Variants in SUCLG2 observed in about 807,000 individuals in gnomAD.
SUCLG2 encodes succinate--CoA ligase [GDP-forming] subunit beta, mitochondrial.
In SUCLG2, 42 loss-of-function variants were observed where a neutral mutation model predicts 47.9. The observed-to-expected ratio is 0.88, with a 90% CI of 0.69 to 1.14. The LOEUF (loss-of-function observed/expected upper bound fraction) is 1.14. SUCLG2 is among the 50% of genes most tolerant of loss of function. SUCLG2 has a pLI of 0.00. For missense variants in SUCLG2, 571 were observed against 525.9 expected (o/e 1.09, Z -0.84); for synonymous variants, 195 against 197.3 (o/e 0.99, Z 0.10).
intron 1 of SUCLG2, among the ~76,000 whole-genome samples, chr3:67,637,163 G>A (rs1415916450): frequency 6.6e-6 from 1 of 152,096 alleles, no homozygotes; most frequent in African/African-American, 2.4e-5. Flanking sequence ...AGATTACTGA[G>A]TTTCTTCAAT....
At chr3:67,364,694 T>C (rs1258135760) in intron 10 of SUCLG2, among the ~76,000 whole-genome samples, 1 of 152,212 alleles carries the variant, frequency 6.6e-6, no homozygotes, top group Non-Finnish European at 1.5e-5. Context: ...TAGAGGAAGC[T>C]GGCTCGAACA....
chr3:67,475,852 C>T (rs1267091940), intron 9 of SUCLG2, among the ~76,000 whole-genome samples: 2 of 152,008 alleles, frequency 1.3e-5, no homozygotes, highest in Admixed American at 6.6e-5. Flanking sequence ...CCATGCCCAA[C>T]AAAAATGTTT....
At chr3:67,372,674 A>T (rs1701970484), downstream of SUCLG2, among the ~76,000 whole-genome samples, 1 of 152,172 alleles carries the variant, frequency 6.6e-6, no homozygotes. Flanking sequence ...CCTTTTGTAG[A>T]CTTTTTGTAG....
At chr3:67,453,522 C>A (rs1575706422) in intron 9 of SUCLG2, among the ~76,000 whole-genome samples, 1 of 152,258 alleles carries the variant, frequency 6.6e-6, no homozygotes, top group South Asian at 2.1e-4. Flanking sequence ...TAATCAACTG[C>A]TAAAGGCCCC....
At chr3:67,587,142 A>C (rs59116776) in intron 2 of SUCLG2, among the ~76,000 whole-genome samples, 69,499 of 152,114 alleles carry the variant, frequency 0.46, 16,996 homozygotes, top group Admixed American at 0.55. Flanking sequence ...ATTTTACAGA[A>C]TGGGGAACTG....
chr3:67,494,915 A>C (rs1380010491), intron 9 of SUCLG2, among the ~76,000 whole-genome samples: 1 of 152,208 alleles, frequency 6.6e-6, no homozygotes, highest in Non-Finnish European at 1.5e-5. Context: ...GCTACATTCT[A>C]GTTAGCTACC....
At chr3:67,527,021 T>C (rs920410574) in intron 4 of SUCLG2, among the ~76,000 whole-genome samples, 1 of 152,254 alleles carries the variant, frequency 6.6e-6, no homozygotes. Flanking sequence ...GTAACGGGAT[T>C]ATTACACATT....
At chr3:67,421,297 T>C (rs1559519793) in intron 9 of SUCLG2, among the ~76,000 whole-genome samples, 1 of 152,148 alleles carries the variant, frequency 6.6e-6, no homozygotes, top group Non-Finnish European at 1.5e-5. Flanking sequence ...ACCCCACATA[T>C]GCTATTACAG....
intron 10 of SUCLG2, among the ~76,000 whole-genome samples, chr3:67,391,788 ATGT>A (rs1702389224): frequency 6.6e-6 from 1 of 152,112 alleles, no homozygotes; most frequent in Non-Finnish European, 1.5e-5. Context: ...GTGTCTGATG[ATGT>A]CCCCTGGCCT....
At chr3:67,577,178 G>A (rs916193432) in intron 2 of SUCLG2, among the ~76,000 whole-genome samples, 3 of 152,122 alleles carry the variant, frequency 2.0e-5, no homozygotes, top group Non-Finnish European at 4.4e-5. Flanking sequence ...CAAGCATGGT[G>A]GCACATGCCA....
chr3:67,406,239 G>C (rs972384426), intron 9 of SUCLG2, among the ~76,000 whole-genome samples: 11 of 152,216 alleles, frequency 7.2e-5, no homozygotes, highest in African/African-American at 2.4e-4. Context: ...TAAAAATATT[G>C]CAAGACTGCT....
At chr3:67,571,473 G>C (rs997110261) in intron 2 of SUCLG2, among the ~76,000 whole-genome samples, 9 of 152,172 alleles carry the variant, frequency 5.9e-5, no homozygotes, top group Non-Finnish European at 1.0e-4. Context: ...AAGGGCCAGT[G>C]TCCAAATGCC....
intron 9 of SUCLG2, among the ~76,000 whole-genome samples, chr3:67,442,716 C>T (rs9880271): frequency 0.79 from 120,422 of 152,150 alleles, 47,936 homozygotes; most frequent in Admixed American, 0.87. Flanking sequence ...TTGTGGTGAA[C>T]TGAATGCATT....
intron 10 of SUCLG2, among the ~76,000 whole-genome samples, chr3:67,381,236 G>A (rs1702152577): frequency 6.6e-6 from 1 of 151,950 alleles, no homozygotes. Flanking sequence ...AAGTAAAACA[G>A]CAGAGAGTGG....
At chr3:67,403,169 C>T (rs898800843) in intron 9 of SUCLG2, among the ~76,000 whole-genome samples, 3 of 152,124 alleles carry the variant, frequency 2.0e-5, no homozygotes, top group Admixed American at 1.3e-4. Flanking sequence ...GTGCTGAACC[C>T]CAGGAAAAGC....
At chr3:67,642,338 C>T (rs1018501094) in intron 1 of SUCLG2, among the ~76,000 whole-genome samples, 1 of 152,090 alleles carries the variant, frequency 6.6e-6, no homozygotes, top group African/African-American at 2.4e-5. Flanking sequence ...GGCATGGTGG[C>T]TCACACCCGT....
chr3:67,457,684 C>CT (rs71109889), intron 9 of SUCLG2, among the ~76,000 whole-genome samples: 3,899 of 65,414 alleles, frequency 0.06, 418 homozygotes, highest in East Asian at 0.1. Context: ...ACAAAAGCAG[C>CT]TTTTTTTTTT....
chr3:67,470,898 A>T (rs1314509558), intron 9 of SUCLG2, among the ~76,000 whole-genome samples: 1 of 152,184 alleles, frequency 6.6e-6, no homozygotes, highest in East Asian at 1.9e-4. Context: ...CAAACCAAAC[A>T]GGTGAAATGG....
chr3:67,567,439 G>A (rs921165957), intron 2 of SUCLG2, among the ~76,000 whole-genome samples: 8 of 151,862 alleles, frequency 5.3e-5, no homozygotes, highest in Non-Finnish European at 1.2e-4. Context: ...GGGGCTACAG[G>A]TGCACACCAC....
Sources: gnomAD v4.1 joint callset for allele counts (sites outside exome capture counted in the v4.1 genomes callset) on GRCh38, gnomAD v4.1.1 for gene constraint, MANE v1.5 for transcripts, NCBI Gene and HGNC (gene_info 2026-07-23, HGNC 2026-07-21) for gene names.